Variants in ADAM7 observed in about 807,000 individuals in gnomAD.
ADAM7 encodes disintegrin and metalloproteinase domain-containing protein 7.
A neutral mutation model predicts 102.9 loss-of-function variants in ADAM7; 97 were observed. That is an observed-to-expected ratio of 0.94 (90% CI 0.80 to 1.12). The LOEUF (loss-of-function observed/expected upper bound fraction) is 1.12. ADAM7 is among the 50% of genes most tolerant of loss of function. The pLI is 0.00. For synonymous variants in ADAM7, 334 were observed against 304.4 expected (o/e 1.10, Z -1.01); for missense variants, 991 against 908.7 (o/e 1.09, Z -1.16).
At chr8:24,501,294 G>T (rs1820751791) in intron 19 of ADAM7, among the ~76,000 whole-genome samples, 183 bp from the exon 20 acceptor site, 1 of 152,082 alleles carries the variant, frequency 6.6e-6, no homozygotes, top group Non-Finnish European at 1.5e-5. Context: ...CATCACTGAA[G>T]ATTGTACAAG....
At chr8:24,450,919 C>T (rs1191290771) in intron 3 of ADAM7, among the ~76,000 whole-genome samples, 4 of 152,074 alleles carry the variant, frequency 2.6e-5, no homozygotes, top group East Asian at 1.9e-4. Flanking sequence ...ATGTGGTTTT[C>T]ATCTTTGGTT....
intron 3 of ADAM7, among the ~76,000 whole-genome samples, chr8:24,458,178 T>C (rs1291068063): frequency 3.3e-5 from 5 of 152,184 alleles, no homozygotes; most frequent in East Asian, 1.9e-4. Context: ...TGCATTTCTA[T>C]ATAAAACTTA....
chr8:24,447,692 G>A (rs1818614103), intron 3 of ADAM7, among the ~76,000 whole-genome samples: 1 of 152,150 alleles, frequency 6.6e-6, no homozygotes, highest in Non-Finnish European at 1.5e-5. Context: ...AAGACATCTT[G>A]TGTAACCAAA....
Position 24,476,514 on chromosome 8 carries a change from G to T in ADAM7, c.705+10G>T. ...CAATTTTGTCAACATGGTAAGATTT[G>T]ATACAGTTTTTGAATCAAGCCAATA... On this transcript the variant is annotated intron_variant, in intron 8 of 21. Transcript: ENST00000175238. 6.3e-7 allele frequency: 1 copy of T among 1,599,920 alleles called. No homozygotes were observed. Among genetic ancestry groups the T allele is most frequent in the South Asian group, 1.1e-5 (1 of 89,764 alleles).
intron 8 of ADAM7, among the ~76,000 whole-genome samples, chr8:24,478,301 T>C (rs756213251): frequency 1.3e-5 from 2 of 152,148 alleles, no homozygotes; most frequent in Admixed American, 6.6e-5. Flanking sequence ...TGCCACACAG[T>C]GCTCTCTCGG....
intron 16 of ADAM7, 24 bp from the exon 17 acceptor site, chr8:24,499,212 C>A (rs185173119): frequency 2.6e-6 from 4 of 1,528,468 alleles, no homozygotes; most frequent in Non-Finnish European, 3.5e-6. Flanking sequence ...CATTTTAATT[C>A]ATGCTTGGTT....
chr8:24,481,705 A>C (rs2129388177), intron 8 of ADAM7, among the ~76,000 whole-genome samples: 1 of 152,342 alleles, frequency 6.6e-6, no homozygotes, highest in Middle Eastern at 3.4e-3. Context: ...ACAGCAGTTA[A>C]GTTTTTGAAA....
chr8:24,485,292 C>T lies in ADAM7; in HGVS notation c.891C>T (p.Tyr297=), dbSNP rs774415510. 9.9e-6 allele frequency: 16 copies of T among 1,613,340 alleles called. No homozygotes were observed. Among genetic ancestry groups the T allele is most frequent in the South Asian group, 2.2e-5 (2 of 90,966 alleles). Residue 297 remains tyrosine, a synonymous_variant, in exon 10 of 22, where the codon TAC becomes TAT. Transcript: ENST00000175238. ...TTTTTCATAGTGGGAAGTGGCTCTACTCACATGTGCAAGGAATTTCTTATC... is the reference window on the plus strand; with the variant it reads ...TTTTTCATAGTGGGAAGTGGCTCTATTCACATGTGCAAGGAATTTCTTATC... ...HVVLLSGKWL[Y]SHVQGISYPG...
rs1820476168 is a variant in ADAM7, at chr8:24,494,159, G to A, written c.1842+930G>A. 3.9e-5 allele frequency among the ~76,000 whole-genome samples: 6 copies of A among 152,228 alleles called. No individual in the cohort carries two copies. In the South Asian group the frequency reaches 1.2e-3, roughly 32 times the overall value. ...AATATTACAGTGACATTTGTACAGT[G>A]TGATAGAGAAATACATTGGAAAACC... is the stretch of plus-strand genomic sequence containing the variant. On this transcript the variant is annotated intron_variant, in intron 16 of 21. Coordinates refer to ENST00000175238, the MANE Select transcript of ADAM7 (RefSeq NM_003817.4).
chr8:24,504,450 A>G (rs1018768747), intron 20 of ADAM7, among the ~76,000 whole-genome samples: 1 of 152,164 alleles, frequency 6.6e-6, no homozygotes. Context: ...CTTTAAAAAA[A>G]AAAATAGCTG....
rs543376181 is a variant in ADAM7 at position 24,492,982 on chromosome 8, C to T, written c.1656-61C>T. On this transcript the variant is annotated intron_variant, in intron 15 of 21. Transcript: ENST00000175238. ...AAGAGTGACCGGGAGGCTCCATTGC[C>T]AGCCTAGTCTCAAAAGTTGTATTTC... is the stretch of plus-strand genomic sequence containing the variant. The T allele has an allele frequency of 1.2e-4, 173 of 1,474,062 alleles. 2 individuals are homozygous for T. In the African/African-American group the frequency reaches 2.1e-3, roughly 18 times the overall value. The allele number at this position is 1,474,062 out of a possible 1,614,324, so 91.3% of individuals were successfully genotyped here.
At chr8:24,447,354 A>G in intron 3 of ADAM7, 92 bp downstream of exon 3, 1 of 577,020 alleles carries the variant, frequency 1.7e-6, no homozygotes. Context: ...GGATTCCTCA[A>G]TTTTTATTTG....
intron 3 of ADAM7, among the ~76,000 whole-genome samples, chr8:24,461,590 A>AT (rs368240586): frequency 0.046 from 6,833 of 148,796 alleles, 187 homozygotes; most frequent in Middle Eastern, 0.076. Flanking sequence ...CTACTTTTCC[A>AT]TTTTTTTTTC....
rs1820795572 is a variant in ADAM7, at chr8:24,502,469, A to AATAAATTTTT, written c.2208+893_2208+894insATAAATTTTT. On this transcript the variant is annotated intron_variant, in intron 20 of 21. Transcript: ENST00000175238. ...AACAGAAAAATAACAGAGAAAATGT[A>AATAAATTTTT]TTTTGAGAAGATTAATAAATTTTAT... Among the ~76,000 whole-genome samples, 7 of 152,212 alleles carry AATAAATTTTT rather than the reference A, an allele frequency of 4.6e-5. No homozygotes were observed. The East Asian group carries it at 1.4e-3, about 29-fold the overall frequency.
At chr8:24,484,418 T>A (rs1402885663) in intron 9 of ADAM7, among the ~76,000 whole-genome samples, 1 of 152,218 alleles carries the variant, frequency 6.6e-6, no homozygotes, top group Non-Finnish European at 1.5e-5. Flanking sequence ...AAATCAAATT[T>A]GGATTCCTAT....
intron 8 of ADAM7, among the ~76,000 whole-genome samples, chr8:24,480,290 A>G (rs1819905226): frequency 2.6e-5 from 4 of 152,296 alleles, no homozygotes; most frequent in Middle Eastern, 3.4e-3. Flanking sequence ...GTTACATAGC[A>G]CATTATAAAA....
intron 11 of ADAM7, 59 bp downstream of exon 11, chr8:24,487,376 G>A: frequency 5.1e-6 from 8 of 1,571,712 alleles, no homozygotes; most frequent in Non-Finnish European, 6.1e-6. Flanking sequence ...GCTGGGCATG[G>A]TGGCTTATGC....
intron 3 of ADAM7, among the ~76,000 whole-genome samples, chr8:24,455,373 C>A (rs142514023): frequency 6.6e-6 from 1 of 152,302 alleles, no homozygotes; most frequent in East Asian, 1.9e-4. Context: ...CCCCTCAATA[C>A]ATGAACAAGG....
At chr8:24,498,847 A>G (rs1820647741) in intron 16 of ADAM7, among the ~76,000 whole-genome samples, 1 of 151,950 alleles carries the variant, frequency 6.6e-6, no homozygotes, top group Admixed American at 6.6e-5. Context: ...CAATTGTGGT[A>G]TAATAAACAT....
Sources: gnomAD v4.1 joint callset for allele counts (sites outside exome capture counted in the v4.1 genomes callset) on GRCh38, gnomAD v4.1.1 for gene constraint, MANE v1.5 for transcripts, NCBI Gene and HGNC (gene_info 2026-07-23, HGNC 2026-07-21) for gene names.